Variants in TTC7A observed in about 807,000 individuals in gnomAD.
TTC7A encodes the protein tetratricopeptide repeat protein 7A.
TTC7A carries 110 observed loss-of-function variants against 103.7 expected under a neutral mutation model. The ratio of observed to expected loss-of-function variants is 1.06; its 90% CI spans 0.91 to 1.24. The LOEUF (loss-of-function observed/expected upper bound fraction) is 1.24. Ranked by LOEUF, TTC7A falls within the 50% of genes most tolerant of loss-of-function variation. The pLI, the probability that TTC7A is intolerant of heterozygous loss-of-function variation, is 0.00. For missense variants in TTC7A, 1,340 were observed against 1,116.3 expected (o/e 1.20, Z -2.86); for synonymous variants, 521 against 467.9 (o/e 1.11, Z -1.47).
At chr2:47,039,470 G>A (rs553026107) in intron 15 of TTC7A, among the ~76,000 whole-genome samples, 1 of 152,292 alleles carries the variant, frequency 6.6e-6, no homozygotes, top group Non-Finnish European at 1.5e-5. Context: ...CCAGGTAAGG[G>A]GATGGAGATG....
At chr2:47,002,573 G>A (rs1676935361) in intron 8 of TTC7A, among the ~76,000 whole-genome samples, 1 of 152,132 alleles carries the variant, frequency 6.6e-6, no homozygotes, top group African/African-American at 2.4e-5. Flanking sequence ...AGGGCAGTGA[G>A]CCAGGGAGGA....
At position 47,072,169 on chromosome 2, in the gene TTC7A, A is replaced by C. The variant is rs867721403; in HGVS notation, c.2356-1533A>C. On this transcript the variant is annotated intron_variant, in intron 19 of 19. Transcript: ENST00000319190. The stretch of plus-strand genomic sequence containing the variant: ...CAGCCTGGCCACTACCCTTGGTCCC[A>C]GGCAGCCCTGAGTCAGCACCGCTCC... Among the ~76,000 whole-genome samples the C allele has an allele frequency of 2.0e-5, 3 of 152,296 alleles. No homozygotes were observed. The South Asian group carries it at 6.2e-4, about 32-fold the overall frequency.
intron 19 of TTC7A, among the ~76,000 whole-genome samples, chr2:47,069,623 TGGGAGTG>T (rs1476319288): frequency 1.3e-5 from 2 of 152,208 alleles, no homozygotes; most frequent in Non-Finnish European, 2.9e-5. Flanking sequence ...CCTGTGGTGA[TGGGAGTG>T]GGAGGTTTTC....
intron 15 of TTC7A, among the ~76,000 whole-genome samples, chr2:47,036,226 TCTCAGAGCAG>T: frequency 6.6e-6 from 1 of 152,156 alleles, no homozygotes; most frequent in African/African-American, 2.4e-5. Flanking sequence ...GGCAGGCTGC[TCTCAGAGCAG>T]CCCTGGGGCC....
intron 2 of TTC7A, among the ~76,000 whole-genome samples, chr2:46,925,820 T>C (rs971339437): frequency 3.3e-5 from 5 of 152,230 alleles, no homozygotes; most frequent in African/African-American, 1.2e-4. Context: ...AAGTGGCTTT[T>C]GTGGATACAA....
In TTC7A at chr2:47,023,802, A is replaced by T. The variant is rs76425419; in HGVS notation, c.1568+337A>T. Among the ~76,000 whole-genome samples the T allele has an allele frequency of 2.1e-3, 313 of 152,204 alleles. 1 individual carries two copies. Among genetic ancestry groups the T allele is most frequent in the African/African-American group, 7.1e-3 (293 of 41,500 alleles). Reference sequence around the variant, plus strand: ...CCTTGCACAGTATCCTATGTGTAACAGGGGCTCAAAAATGGCATTCACCTC... The same window carrying T: ...CCTTGCACAGTATCCTATGTGTAACTGGGGCTCAAAAATGGCATTCACCTC... On this transcript the variant is annotated intron_variant, in intron 13 of 19. Coordinates refer to ENST00000319190, the MANE Select transcript of TTC7A (RefSeq NM_020458.4).
At chr2:47,011,288 C>T (rs765820328) in intron 10 of TTC7A, 43 bp from the exon 11 acceptor site, 3 of 1,576,778 alleles carry the variant, frequency 1.9e-6, no homozygotes, top group African/African-American at 1.3e-5. Context: ...CCTTGAGATC[C>T]AGGACTGTGA....
At chr2:47,070,119 C>A (rs548063238) in intron 19 of TTC7A, among the ~76,000 whole-genome samples, 2 of 152,254 alleles carry the variant, frequency 1.3e-5, no homozygotes, top group Non-Finnish European at 2.9e-5. Flanking sequence ...CTGCTCTGCC[C>A]TTGGAGGGCA....
At chr2:47,059,180 C>G (rs575058139) in intron 18 of TTC7A, among the ~76,000 whole-genome samples, 5 of 151,762 alleles carry the variant, frequency 3.3e-5, no homozygotes, top group Admixed American at 6.6e-5. Flanking sequence ...ACCACCATGC[C>G]CAGCTAATTT....
At chr2:46,940,637 GAC>G (rs1558487106), upstream of TTC7A, among the ~76,000 whole-genome samples, 1 of 152,250 alleles carries the variant, frequency 6.6e-6, no homozygotes, top group Non-Finnish European at 1.5e-5. The surrounding 1 kb of genome is among the most constrained non-coding windows in gnomAD (Gnocchi z 4.7). Context: ...TTCCACAGAG[GAC>G]AGGTCAACGG....
intron 11 of TTC7A, among the ~76,000 whole-genome samples, chr2:47,017,451 C>G (rs4952860): frequency 2.6e-5 from 4 of 151,516 alleles, no homozygotes; most frequent in East Asian, 3.9e-4. Context: ...GTGGGAGGAT[C>G]GCTTGAGCCC....
At chr2:46,984,492 A>G (rs1463041355) in intron 5 of TTC7A, among the ~76,000 whole-genome samples, 1 of 152,202 alleles carries the variant, frequency 6.6e-6, no homozygotes, top group Non-Finnish European at 1.5e-5. Context: ...GAGGGAAGGA[A>G]TGCAAAACAC....
intron 8 of TTC7A, among the ~76,000 whole-genome samples, chr2:46,996,079 G>T (rs1676150422): frequency 1.3e-5 from 2 of 152,232 alleles, no homozygotes; most frequent in Non-Finnish European, 2.9e-5. Context: ...GCACACATAT[G>T]GTGGCCATGG....
chr2:47,067,042 C>G (rs1308838797), intron 19 of TTC7A, among the ~76,000 whole-genome samples: 3 of 152,162 alleles, frequency 2.0e-5, no homozygotes, highest in Non-Finnish European at 4.4e-5. Context: ...CGAACTCATC[C>G]TTTTACCAGG....
In TTC7A at chr2:46,917,035, G is replaced by A. The variant is rs1668838758; in HGVS notation, c.-12-149G>A. On this transcript the variant is annotated intron_variant, in intron 1 of 20. Transcript: ENST00000409245. ...TCCGGACAGGAAAGACAAAGAAAGT[G>A]GCTAAGTAGTTAGATGCCTTGAAAG... The A allele has an allele frequency of 1.9e-5, 11 of 578,906 alleles. No individual in the cohort carries two copies. The South Asian group carries it at 2.0e-4, about 10-fold the overall frequency. The allele number at this position is 578,906 out of a possible 1,614,324, so 35.9% of individuals were successfully genotyped here.
At chr2:46,957,158 A>G (rs912269714) in intron 3 of TTC7A, 151 bp downstream of exon 3, 6 of 969,512 alleles carry the variant, frequency 6.2e-6, no homozygotes, top group African/African-American at 4.9e-5. Context: ...GCCGGTGGCA[A>G]CCGGCCATGT....
chr2:47,028,063 A>G (rs940200285), intron 14 of TTC7A, among the ~76,000 whole-genome samples: 41 of 152,154 alleles, frequency 2.7e-4, no homozygotes, highest in African/African-American at 9.4e-4. Flanking sequence ...ATCGGAGGCA[A>G]GGAGAGGGGC....
chr2:46,970,205 T>A (rs1334013031), intron 3 of TTC7A, among the ~76,000 whole-genome samples: 2 of 152,108 alleles, frequency 1.3e-5, no homozygotes, highest in African/African-American at 2.4e-5. Context: ...CCCAGGCTGG[T>A]CTCAAACTCC....
At chr2:47,052,764 C>G (rs956317178) in intron 18 of TTC7A, among the ~76,000 whole-genome samples, 3 of 152,132 alleles carry the variant, frequency 2.0e-5, no homozygotes, top group African/African-American at 7.2e-5. Flanking sequence ...TACCCCAGGC[C>G]AACACAACCC....
Sources: gnomAD v4.1 joint callset for allele counts (sites outside exome capture counted in the v4.1 genomes callset) on GRCh38, gnomAD v4.1.1 for gene constraint, Gnocchi (gnomAD v3.1) non-coding constraint, MANE v1.5 for transcripts, NCBI Gene and HGNC (gene_info 2026-07-23, HGNC 2026-07-21) for gene names.